SMPD3: variants seen among roughly 807,000 people sequenced by gnomAD.
SMPD3 encodes the protein sphingomyelin phosphodiesterase 3, also known as nSMase-2.
A neutral mutation model predicts 55.7 loss-of-function variants in SMPD3; 21 were observed. That is an observed-to-expected ratio of 0.38 (90% CI 0.27 to 0.54). The LOEUF is 0.54. Ranked by LOEUF, SMPD3 falls within the 20% of genes least tolerant of loss-of-function variation. The pLI is 0.80. For missense variants in SMPD3, 842 were observed against 899.6 expected (o/e 0.94, Z 0.82); for synonymous variants, 457 against 404.3 (o/e 1.13, Z -1.56).
rs533708425 is a variant in SMPD3, at chr16:68,426,090, G to A, written c.-269+22263C>T. Among the ~76,000 whole-genome samples, 15 of 152,138 alleles carry A rather than the reference G, an allele frequency of 9.9e-5. No individual in the cohort carries two copies. The East Asian group carries it at 2.9e-3, about 29-fold the overall frequency. On this transcript the variant is annotated intron_variant, in intron 1 of 8. Transcript: ENST00000219334. Reference sequence around the variant, plus strand: ...CAACAAAGGTGAAAATAAAATAGAGGCTCTATTTTAGCCATCTTATCTACT... The same window carrying A: ...CAACAAAGGTGAAAATAAAATAGAGACTCTATTTTAGCCATCTTATCTACT...
At position 68,371,691 on chromosome 16, in the gene SMPD3, C is replaced by T. The variant is rs752204681; in HGVS notation, c.491G>A (p.Arg164Gln). 4.5e-6 allele frequency: 7 copies of T among 1,572,556 alleles called. No individual in the cohort carries two copies. Among genetic ancestry groups the T allele is most frequent in the African/African-American group, 2.7e-5 (2 of 73,310 alleles). Residue 164 changes from arginine (R) to glutamine (Q), a missense_variant, in exon 3 of 9, where the codon CGG (arginine) becomes CAG (glutamine). By Grantham distance (43) the Arg-to-Gln change is conservative. Transcript: ENST00000219334. ...GTCGATGTAAATTTTGATCTGGGGC[C>T]GGGCGGCCCCATTGCGGATTCTCTG... ...IGQRIRNGAA[R>Q]PQIKIYIDSP...
intron 1 of SMPD3, among the ~76,000 whole-genome samples, chr16:68,429,177 A>G (rs2090460612): frequency 6.6e-6 from 1 of 152,204 alleles, no homozygotes; most frequent in East Asian, 1.9e-4. Context: ...CTAGTGGTCT[A>G]ATCTCCATTG....
chr16:68,374,883 TG>T (rs1474697771), intron 2 of SMPD3, among the ~76,000 whole-genome samples: 1 of 152,166 alleles, frequency 6.6e-6, no homozygotes, highest in Non-Finnish European at 1.5e-5. Flanking sequence ...CCTGTCCCTG[TG>T]GGGACAATGG....
intron 1 of SMPD3, among the ~76,000 whole-genome samples, chr16:68,397,473 G>T (rs369970000): frequency 2.0e-5 from 3 of 152,180 alleles, no homozygotes; most frequent in African/African-American, 7.2e-5. Flanking sequence ...CAAGCCCATT[G>T]TCTCTCCCTG....
At chr16:68,419,982 CTTTTT>C (rs34861442) in intron 1 of SMPD3, among the ~76,000 whole-genome samples, 1 of 140,392 alleles carries the variant, frequency 7.1e-6, no homozygotes, top group Non-Finnish European at 1.5e-5. Context: ...ATAGCTATTG[CTTTTT>C]TTTTTTTTTT....
intron 1 of SMPD3, among the ~76,000 whole-genome samples, chr16:68,434,411 A>C (rs1266306212): frequency 6.6e-6 from 1 of 152,206 alleles, no homozygotes; most frequent in African/African-American, 2.4e-5. Flanking sequence ...TACCCTTTTT[A>C]TCCTGCTTGA....
intron 1 of SMPD3, among the ~76,000 whole-genome samples, chr16:68,439,383 C>A (rs754163275): frequency 2.0e-5 from 3 of 152,216 alleles, no homozygotes; most frequent in Non-Finnish European, 4.4e-5. Flanking sequence ...CAAAACACCC[C>A]ACTCTAGCTA....
chr16:68,413,450 C>G (rs1039845147), intron 1 of SMPD3, among the ~76,000 whole-genome samples: 2 of 152,184 alleles, frequency 1.3e-5, no homozygotes, highest in African/African-American at 4.8e-5. Flanking sequence ...ACCCTGTCCT[C>G]CAGAGAAAAT....
In SMPD3 at chr16:68,371,149, A is replaced by C; in HGVS notation, c.1033T>G (p.Phe345Val). The stretch of plus-strand genomic sequence containing the variant: ...AAGAAGGCGGAGACCTCATGGTCGA[A>C]GGCCTCGTCGGGGTGCCGCCTCCTG... ...ARRRRHPDEA[F>V]DHEVSAFFPA... is the part of the protein sequence containing the mutation. Residue 345 changes from phenylalanine (F) to valine (V), a missense_variant, in exon 3 of 9, where the codon TTC (phenylalanine) becomes GTC (valine). Physicochemically the swap from Phe to Val is conservative, Grantham distance 50. Coordinates refer to ENST00000219334, the MANE Select transcript of SMPD3 (RefSeq NM_018667.4). 3 of 1,613,718 alleles carry C rather than the reference A, an allele frequency of 1.9e-6. No individual in the cohort carries two copies. In the South Asian group the frequency reaches 3.3e-5, roughly 18 times the overall value.
chr16:68,400,122 T>C (rs542374882), intron 1 of SMPD3, among the ~76,000 whole-genome samples: 13 of 152,380 alleles, frequency 8.5e-5, no homozygotes, highest in African/African-American at 2.9e-4. Context: ...AAACCAGTGC[T>C]GTTCTCAATC....
chr16:68,389,670 C>T (rs112411772), intron 1 of SMPD3, among the ~76,000 whole-genome samples: 2,716 of 152,310 alleles, frequency 0.018, 108 homozygotes, highest in African/African-American at 0.061. Flanking sequence ...GTCACACAGC[C>T]TTCCATCTGA....
intron 2 of SMPD3, among the ~76,000 whole-genome samples, chr16:68,378,838 A>G (rs1471225803): frequency 6.6e-6 from 1 of 151,742 alleles, no homozygotes; most frequent in Non-Finnish European, 1.5e-5. Flanking sequence ...GAAGGTTAGG[A>G]ACCTGAAGCT....
At chr16:68,410,283 G>T (rs541623855) in intron 1 of SMPD3, among the ~76,000 whole-genome samples, 22 of 152,244 alleles carry the variant, frequency 1.4e-4, no homozygotes, top group African/African-American at 5.1e-4. Context: ...TGCTCCCAGG[G>T]GAGGGAGGAG....
intron 1 of SMPD3, among the ~76,000 whole-genome samples, chr16:68,406,812 G>A (rs2090257847): frequency 6.6e-6 from 1 of 152,146 alleles, no homozygotes; most frequent in East Asian, 1.9e-4. Context: ...CAGTTTCAGG[G>A]GGCGGAAGCT....
At position 68,361,050 on chromosome 16, in the gene SMPD3, A is replaced by G. The variant is rs926262289; in HGVS notation, c.*156T>C. Reference sequence around the variant, plus strand: ...TGTCCACAGTGAGGCCCAGAGGCGCAGAGCAGCGCAGCTTCCAGGTTCCCG... The same window carrying G: ...TGTCCACAGTGAGGCCCAGAGGCGCGGAGCAGCGCAGCTTCCAGGTTCCCG... On this transcript the variant is annotated 3_prime_UTR_variant, in exon 9 of 9. Transcript: ENST00000219334. The G allele has an allele frequency of 4.1e-5, 27 of 666,482 alleles. No homozygotes were observed. The highest frequency in any genetic ancestry group is 2.9e-4 in the South Asian group (15 of 51,732). The allele number at this position is 666,482 out of a possible 1,614,324, so 41.3% of individuals were successfully genotyped here.
At chr16:68,374,862 A>T (rs891727947) in intron 2 of SMPD3, among the ~76,000 whole-genome samples, 1 of 151,984 alleles carries the variant, frequency 6.6e-6, no homozygotes, top group Admixed American at 6.6e-5. Context: ...CCAGAGGGAG[A>T]GCTTGCAGGT....
intron 8 of SMPD3, 75 bp downstream of exon 8, chr16:68,361,528 G>A (rs558459545): frequency 2.3e-5 from 36 of 1,567,882 alleles, no homozygotes; most frequent in South Asian, 9.1e-5. Context: ...TTCAGGGAGC[G>A]GCTGTCGAGA....
chr16:68,441,369 AT>A (rs1454033997), intron 1 of SMPD3, among the ~76,000 whole-genome samples: 2 of 152,226 alleles, frequency 1.3e-5, no homozygotes, highest in African/African-American at 2.4e-5. Flanking sequence ...TAAAGAAAAT[AT>A]CCTCCTAAAT....
At position 68,363,770 on chromosome 16, in the gene SMPD3, A is replaced by C; in HGVS notation, c.1645+7T>G. ...GCTCCCATCCTCCTCCCCCAGCCCCAGCTCACCGATGGCCCACGGCTTCTC... is the reference window on the plus strand; with the variant it reads ...GCTCCCATCCTCCTCCCCCAGCCCCCGCTCACCGATGGCCCACGGCTTCTC... On this transcript the variant is annotated splice_region_variant and intron_variant, in intron 6 of 8. Transcript: ENST00000219334. The C allele has an allele frequency of 6.4e-7, 1 of 1,558,788 alleles. No individual in the cohort carries two copies. The highest frequency in any genetic ancestry group is 8.7e-7 in the Non-Finnish European group (1 of 1,151,982).
Sources: allele counts gnomAD v4.1 joint callset (sites outside exome capture counted in the v4.1 genomes callset), GRCh38; gene constraint gnomAD v4.1.1; transcripts MANE v1.5; gene names NCBI Gene and HGNC (gene_info 2026-07-23, HGNC 2026-07-21).